Variants in CSGALNACT1 observed in about 807,000 individuals in gnomAD.
CSGALNACT1 encodes beta4GalNAcT-1.
Under a neutral mutation model 51.0 loss-of-function variants are expected in CSGALNACT1, and 52 were observed. That is an observed-to-expected ratio of 1.02 (90% CI 0.82 to 1.29). CSGALNACT1 has a LOEUF of 1.29. Among genes scored for constraint, CSGALNACT1 ranks in the 50% most tolerant of loss-of-function variants. The probability of loss-of-function intolerance (pLI) is 0.00; values close to 1 mark genes in which losing one functional copy is unlikely to be tolerated. For synonymous variants in CSGALNACT1, 341 were observed against 254.4 expected (o/e 1.34, Z -3.24); for missense variants, 935 against 679.2 (o/e 1.38, Z -4.19).
intron 3 of CSGALNACT1, among the ~76,000 whole-genome samples, chr8:19,522,261 T>C (rs549519594): frequency 3.3e-5 from 5 of 150,864 alleles, no homozygotes; most frequent in African/African-American, 9.7e-5. Flanking sequence ...AAATAAATGG[T>C]TGGTGTGTAT....
rs150047750 is a variant in CSGALNACT1 at position 19,557,838 on chromosome 8, G to C, written c.-297+33322C>G. On this transcript the variant is annotated intron_variant, in intron 3 of 9. Coordinates refer to ENST00000454498, the Ensembl canonical transcript of CSGALNACT1. ...ACCCCATGAGGAAGGAACTTCGTTTGTTCACCACGCCATTCTTCTCAGTAC... is the reference window on the plus strand; with the variant it reads ...ACCCCATGAGGAAGGAACTTCGTTTCTTCACCACGCCATTCTTCTCAGTAC... Among the ~76,000 whole-genome samples the C allele has an allele frequency of 1.8e-3, 267 of 152,260 alleles. 1 individual carries two copies. The highest frequency in any genetic ancestry group is 6.3e-3 in the African/African-American group (260 of 41,546).
In CSGALNACT1 at chr8:19,542,496, T is replaced by C. The variant is rs371583945; in HGVS notation, c.-296-36366A>G. On this transcript the variant is annotated intron_variant, in intron 3 of 9. Coordinates refer to ENST00000454498, the Ensembl canonical transcript of CSGALNACT1. ...CCCTCGGTCTATTTTTCTCCTTTCC[T>C]GCACAAGCGCCTGCTGCCCCGACTC... is the stretch of plus-strand genomic sequence containing the variant. Among the ~76,000 whole-genome samples, 170 of 152,290 alleles carry C rather than the reference T, an allele frequency of 1.1e-3. 2 individuals are homozygous for C. In the South Asian group the frequency reaches 0.018, roughly 16 times the overall value.
At chr8:19,483,337 C>T (rs1349962134) in intron 4 of CSGALNACT1, among the ~76,000 whole-genome samples, 1 of 152,240 alleles carries the variant, frequency 6.6e-6, no homozygotes, top group Non-Finnish European at 1.5e-5. Flanking sequence ...GAAGTTAAAG[C>T]ACTTCATTAT....
intron 4 of CSGALNACT1, among the ~76,000 whole-genome samples, chr8:19,473,326 A>G (rs2068646175): frequency 6.6e-6 from 1 of 152,190 alleles, no homozygotes; most frequent in Non-Finnish European, 1.5e-5. Context: ...TTAACCCGAA[A>G]GCCCTTTGTC....
intron 3 of CSGALNACT1, among the ~76,000 whole-genome samples, chr8:19,509,530 G>A (rs1438972881): frequency 2.0e-5 from 3 of 147,664 alleles, no homozygotes; most frequent in African/African-American, 5.0e-5. Context: ...GCTGAGGCAC[G>A]AGAATCGCTT....
intron 4 of CSGALNACT1, among the ~76,000 whole-genome samples, chr8:19,502,517 CAT>C (rs2076594981): frequency 6.6e-6 from 1 of 152,138 alleles, no homozygotes; most frequent in Non-Finnish European, 1.5e-5. Context: ...AAAGAATCCC[CAT>C]CTTTGTTATA....
chr8:19,660,504 T>G (rs568603675), intron 1 of CSGALNACT1, among the ~76,000 whole-genome samples: 1 of 152,098 alleles, frequency 6.6e-6, no homozygotes, highest in Non-Finnish European at 1.5e-5. Context: ...TCTTCAAAAA[T>G]TGGGAGGAAT....
intron 1 of CSGALNACT1, among the ~76,000 whole-genome samples, chr8:19,633,672 C>T (rs1463413756): frequency 6.6e-6 from 1 of 152,168 alleles, no homozygotes; most frequent in Non-Finnish European, 1.5e-5. Context: ...AATTGCCCTC[C>T]AGACTTTTAG....
At chr8:19,530,671 T>C (rs1268176488) in intron 3 of CSGALNACT1, among the ~76,000 whole-genome samples, 3 of 152,012 alleles carry the variant, frequency 2.0e-5, no homozygotes, top group Admixed American at 1.3e-4. Flanking sequence ...ATCGGGGCTA[T>C]AGCGAGCTAT....
At chr8:19,558,662 A>G (rs981414719) in intron 3 of CSGALNACT1, among the ~76,000 whole-genome samples, 14 of 152,212 alleles carry the variant, frequency 9.2e-5, no homozygotes, top group African/African-American at 3.4e-4. Flanking sequence ...TTCTTAGAAA[A>G]TGCACTACTC....
chr8:19,406,954 C>G (rs1304907795), intron 9 of CSGALNACT1, among the ~76,000 whole-genome samples: 1 of 152,188 alleles, frequency 6.6e-6, no homozygotes, highest in African/African-American at 2.4e-5. Context: ...AGTGATCTGC[C>G]CACCTTGGCC....
At chr8:19,751,034 A>T (rs971242174) in intron 1 of CSGALNACT1, among the ~76,000 whole-genome samples, 1 of 152,210 alleles carries the variant, frequency 6.6e-6, no homozygotes, top group African/African-American at 2.4e-5. Context: ...TTATTTTGTT[A>T]TCTTGCTCCA....
At chr8:19,670,052 TCCTAATTCTGTAGTTCATTGCCATGTCC>T (rs1295539186) in intron 1 of CSGALNACT1, among the ~76,000 whole-genome samples, 1 of 152,104 alleles carries the variant, frequency 6.6e-6, no homozygotes, top group African/African-American at 2.4e-5. Context: ...CTACCAAAAT[TCCTAATTCTGTAGTTCATTGCCATGTCC>T]CCTACTCCCT....
At chr8:19,428,869 G>A (rs2059216735) in intron 6 of CSGALNACT1, among the ~76,000 whole-genome samples, 2 of 130,082 alleles carry the variant, frequency 1.5e-5, no homozygotes, top group Non-Finnish European at 3.3e-5. Context: ...GTGTGTGTGT[G>A]TGTGTGTATG....
At chr8:19,427,603 A>AG (rs2058973745) in intron 6 of CSGALNACT1, among the ~76,000 whole-genome samples, 1 of 152,132 alleles carries the variant, frequency 6.6e-6, no homozygotes, top group Non-Finnish European at 1.5e-5. Context: ...CCTGGCTAAC[A>AG]CGGTGAAACC....
chr8:19,463,229 G>A (rs2153829587), intron 4 of CSGALNACT1, among the ~76,000 whole-genome samples: 1 of 152,236 alleles, frequency 6.6e-6, no homozygotes, highest in East Asian at 1.9e-4. Flanking sequence ...ACTGCTGATG[G>A]GCATCTAGGT....
At position 19,516,192 on chromosome 8, in the gene CSGALNACT1, A is replaced by C. The variant is rs554492535; in HGVS notation, c.-296-10062T>G. ...TCATACAAAGCACTTCACAAATATT[A>C]TCTCATTTAATCCTCAAAACGATCC... is the stretch of plus-strand genomic sequence containing the variant. On this transcript the variant is annotated intron_variant, in intron 3 of 9. Coordinates refer to ENST00000454498, the Ensembl canonical transcript of CSGALNACT1. Among the ~76,000 whole-genome samples, 3 of 152,212 alleles carry C rather than the reference A, an allele frequency of 2.0e-5. No individual in the cohort carries two copies. In the South Asian group the frequency reaches 6.2e-4, roughly 32 times the overall value.
intron 1 of CSGALNACT1, among the ~76,000 whole-genome samples, chr8:19,657,630 A>G (rs1386883036): frequency 1.3e-5 from 2 of 152,340 alleles, no homozygotes; most frequent in Non-Finnish European, 2.9e-5. Flanking sequence ...TGAAGAGAAA[A>G]AGTAAATCTC....
chr8:19,674,492 C>T (rs762216115), intron 1 of CSGALNACT1, among the ~76,000 whole-genome samples: 35 of 151,958 alleles, frequency 2.3e-4, no homozygotes, highest in Admixed American at 7.2e-4. Flanking sequence ...AAGGTGAAGG[C>T]GACTGCAGAA....
Sources: gnomAD v4.1 joint callset for allele counts (sites outside exome capture counted in the v4.1 genomes callset) on GRCh38, gnomAD v4.1.1 for gene constraint, MANE v1.5 for transcripts, NCBI Gene and HGNC (gene_info 2026-07-23, HGNC 2026-07-21) for gene names.